Variants in EIF2B3 observed in about 807,000 individuals in gnomAD.
EIF2B3 encodes eukaryotic translation initiation factor 2B subunit gamma.
In EIF2B3, 20 loss-of-function variants were observed where a neutral mutation model predicts 54.1. The ratio of observed to expected loss-of-function variants is 0.37; its 90% CI spans 0.26 to 0.54. The LOEUF (loss-of-function observed/expected upper bound fraction) is 0.54, where lower values mean the gene tolerates loss of function less well. Ranked by LOEUF, EIF2B3 falls within the 20% of genes least tolerant of loss-of-function variation. EIF2B3 has a pLI of 0.86. For missense variants in EIF2B3, 448 were observed against 547.8 expected, an observed-to-expected ratio of 0.82 and a Z score of 1.82; for synonymous variants, 153 against 188.1, an observed-to-expected ratio of 0.81 and a Z score of 1.52.
intron 4 of EIF2B3, among the ~76,000 whole-genome samples, chr1:44,939,530 A>G (rs1026384667): frequency 1.7e-4 from 26 of 152,330 alleles, no homozygotes; most frequent in Middle Eastern, 6.8e-3. Flanking sequence ...TGTTCTCACC[A>G]TGAAAAATGT....
chr1:44,912,910 G>T (rs561810654), intron 5 of EIF2B3, among the ~76,000 whole-genome samples: 2 of 152,226 alleles, frequency 1.3e-5, no homozygotes, highest in East Asian at 3.9e-4. Context: ...TGAAGGATGT[G>T]TTCCTGAAAG....
intron 10 of EIF2B3, among the ~76,000 whole-genome samples, chr1:44,864,102 G>T (rs761219116): frequency 2.6e-5 from 4 of 152,100 alleles, no homozygotes; most frequent in Admixed American, 1.3e-4. Flanking sequence ...GGAGTTTAGG[G>T]GAAATCAAAG....
At chr1:44,937,859 G>C (rs1183604132) in intron 4 of EIF2B3, among the ~76,000 whole-genome samples, 20 of 121,274 alleles carry the variant, frequency 1.6e-4, no homozygotes, top group African/African-American at 6.1e-4. Context: ...ACTCCAGCCT[G>C]GGCGACAGAG....
chr1:44,888,714 C>A (rs1232988488), intron 6 of EIF2B3, among the ~76,000 whole-genome samples: 1 of 152,164 alleles, frequency 6.6e-6, no homozygotes, highest in Non-Finnish European at 1.5e-5. Flanking sequence ...GACGGCCCAG[C>A]AAGCTGGTAA....
chr1:44,857,939 A>G, intron 10 of EIF2B3, 132 bp from the exon 11 acceptor site: 1 of 800,334 alleles, frequency 1.2e-6, no homozygotes. Flanking sequence ...ACGTGCCTCA[A>G]GTTATCAGTG....
At chr1:44,941,477 CAAACA>C in intron 4 of EIF2B3, 24 bp downstream of exon 4, 5 of 1,582,664 alleles carry the variant, frequency 3.2e-6, no homozygotes, top group Non-Finnish European at 4.3e-6. Context: ...GAAAACTCAA[CAAACA>C]AAACAAACTC....
chr1:44,885,752 ATTT>A (rs879823312), intron 6 of EIF2B3, among the ~76,000 whole-genome samples: 3 of 146,694 alleles, frequency 2.0e-5, no homozygotes, highest in African/African-American at 7.5e-5. Flanking sequence ...ACTGTAAAGA[ATTT>A]TTTTTTTTTT....
rs1654247503 is a variant in EIF2B3, at chr1:44,850,891, G to A, written c.*60C>T. ...GAAATAAATACAGAGTTAAACAGGT[G>A]GGCCGGCCAACATCTGTGGCTTTGG... is the stretch of plus-strand genomic sequence containing the variant. On this transcript the variant is annotated 3_prime_UTR_variant, in exon 12 of 12. Transcript: ENST00000360403. The A allele has an allele frequency of 1.3e-6, 2 of 1,566,214 alleles. No homozygotes were observed. The highest frequency in any genetic ancestry group is 2.2e-5 in the South Asian group (2 of 90,174).
intron 6 of EIF2B3, among the ~76,000 whole-genome samples, chr1:44,896,722 T>C (rs1224186384): frequency 6.6e-6 from 1 of 152,206 alleles, no homozygotes; most frequent in East Asian, 1.9e-4. Flanking sequence ...TAAAAAATCC[T>C]TGAGATCAAC....
intron 6 of EIF2B3, among the ~76,000 whole-genome samples, chr1:44,883,418 A>T (rs1655476806): frequency 6.6e-6 from 1 of 152,160 alleles, no homozygotes; most frequent in African/African-American, 2.4e-5. Flanking sequence ...TCCTGTAAGT[A>T]ACATCACTAT....
At position 44,911,490 on chromosome 1, in the gene EIF2B3, T is replaced by G. The variant is rs139967474; in HGVS notation, c.567-14046A>C. On this transcript the variant is annotated intron_variant, in intron 5 of 11. Transcript: ENST00000360403. ...CTGCTCTTCATTATCACCTCACCTC[T>G]GACTAGGTCCATCTTCTTTGCTCCC... Among the ~76,000 whole-genome samples the G allele has an allele frequency of 9.7e-3, 1,477 of 152,324 alleles. 70 individuals carry two copies. The highest frequency in any genetic ancestry group is 0.085 in the Admixed American group (1,306 of 15,286).
At chr1:44,945,679 C>G (rs748528849) in intron 3 of EIF2B3, among the ~76,000 whole-genome samples, 11 of 150,484 alleles carry the variant, frequency 7.3e-5, no homozygotes, top group African/African-American at 1.5e-4. Context: ...ACTAAAGAAA[C>G]AGCCTGCAGA....
Position 44,881,986 on chromosome 1 carries a change from AGTTCAGT to A in EIF2B3, c.657-254_657-248del, listed in dbSNP as rs1655417288. ...TAGGGGAAGAAGGGACCTGATCTTT[AGTTCAGT>A]GTGTGTTTTTTATTTATGTTTTTAT... On this transcript the variant is annotated intron_variant, in intron 6 of 11. Coordinates refer to ENST00000360403, the MANE Select transcript of EIF2B3 (RefSeq NM_020365.5). The surrounding 1 kb of genome is among the most constrained non-coding windows in gnomAD (Gnocchi z 4.0). Among the ~76,000 whole-genome samples the A allele has an allele frequency of 2.0e-5, 3 of 152,200 alleles. No homozygotes were observed. Among genetic ancestry groups the A allele is most frequent in the Non-Finnish European group, 4.4e-5 (3 of 68,026 alleles).
intron 2 of EIF2B3, among the ~76,000 whole-genome samples, chr1:44,979,474 CAAAA>C (rs34452633): frequency 1.8e-5 from 1 of 56,010 alleles, no homozygotes; most frequent in Non-Finnish European, 3.4e-5. Flanking sequence ...CTGTCTCTGC[CAAAA>C]AAAAAAAAAA....
At chr1:44,965,632 A>ATT (rs1362511234) in intron 3 of EIF2B3, among the ~76,000 whole-genome samples, 2 of 132,934 alleles carry the variant, frequency 1.5e-5, no homozygotes, top group African/African-American at 2.9e-5. Context: ...GCACAAATGC[A>ATT]TCTTTTTTTT....
In EIF2B3 at chr1:44,949,965, C is replaced by T. The variant is rs547390781; in HGVS notation, c.295-8300G>A. ...GAGTTCCCTATAAAAATGCCTGTCACGTCTCTTCTAGGATTTAGATATATG... is the reference window on the plus strand; with the variant it reads ...GAGTTCCCTATAAAAATGCCTGTCATGTCTCTTCTAGGATTTAGATATATG... On this transcript the variant is annotated intron_variant, in intron 3 of 11. Coordinates refer to ENST00000360403, the MANE Select transcript of EIF2B3 (RefSeq NM_020365.5). Among the ~76,000 whole-genome samples, 22 of 152,228 alleles carry T rather than the reference C, an allele frequency of 1.4e-4. No individual in the cohort carries two copies. In the East Asian group the frequency reaches 1.7e-3, roughly 12 times the overall value.
At chr1:44,957,862 T>C (rs1178950657) in intron 3 of EIF2B3, among the ~76,000 whole-genome samples, 3 of 152,264 alleles carry the variant, frequency 2.0e-5, no homozygotes, top group African/African-American at 4.8e-5. Flanking sequence ...CACTGTCATA[T>C]ATTGTTGCTA....
chr1:44,861,397 C>T (rs1163596670), intron 10 of EIF2B3, among the ~76,000 whole-genome samples: 2 of 152,144 alleles, frequency 1.3e-5, no homozygotes, highest in African/African-American at 4.8e-5. Context: ...ATGCTTCCTA[C>T]TCAGTCGTAA....
chr1:44,855,593 G>A (rs541264942), intron 11 of EIF2B3, among the ~76,000 whole-genome samples: 4 of 147,082 alleles, frequency 2.7e-5, no homozygotes, highest in Non-Finnish European at 5.9e-5. Context: ...GTCTTGCTCT[G>A]TCACCCAGAC....
Sources: allele counts gnomAD v4.1 joint callset (sites outside exome capture counted in the v4.1 genomes callset), GRCh38; gene constraint gnomAD v4.1.1; non-coding constraint Gnocchi (gnomAD v3.1); transcripts MANE v1.5; gene names NCBI Gene and HGNC (gene_info 2026-07-23, HGNC 2026-07-21).